The following MBTD1 variants were observed in gnomAD, a reference collection of about 807,000 sequenced individuals.
MBTD1 encodes mbt domain containing 1, also known as MBT domain-containing protein 1.
Under a neutral mutation model 87.8 loss-of-function variants are expected in MBTD1, and 24 were observed. The ratio of observed to expected loss-of-function variants is 0.27; its 90% CI spans 0.20 to 0.38. The LOEUF is 0.38. MBTD1 is among the 10% of genes least tolerant of loss of function. MBTD1 has a pLI of 1.00. For synonymous variants in MBTD1, 237 were observed against 248.6 expected (o/e 0.95, Z 0.44); for missense variants, 436 against 760.2 (o/e 0.57, Z 5.02).
At chr17:51,211,120 G>T (rs1242035262) in intron 6 of MBTD1, among the ~76,000 whole-genome samples, 1 of 136,048 alleles carries the variant, frequency 7.4e-6, no homozygotes, top group Non-Finnish European at 1.5e-5. Context: ...CTGGGTGACA[G>T]AGCAAGACTA....
chr17:51,254,095 G>A (rs2144251836), intron 2 of MBTD1, among the ~76,000 whole-genome samples: 1 of 152,198 alleles, frequency 6.6e-6, no homozygotes, highest in East Asian at 1.9e-4. Flanking sequence ...TTTATATTTA[G>A]CTATGGAGCA....
At chr17:51,244,260 C>G (rs752886904) in intron 2 of MBTD1, among the ~76,000 whole-genome samples, 1 of 152,184 alleles carries the variant, frequency 6.6e-6, no homozygotes, top group Non-Finnish European at 1.5e-5. Flanking sequence ...GAAATCCTGT[C>G]ATAACCCCCT....
chr17:51,259,497 T>C (rs1307715531), intron 1 of MBTD1, among the ~76,000 whole-genome samples: 10 of 151,956 alleles, frequency 6.6e-5, no homozygotes, highest in Non-Finnish European at 1.3e-4. Flanking sequence ...CCTGGGTGGC[T>C]AAAAAAGGAA....
In MBTD1 at chr17:51,180,641, G is replaced by C; in HGVS notation, c.1822C>G (p.Leu608Val). 1.0e-5 allele frequency: 16 copies of C among 1,551,636 alleles called. No homozygotes were observed. The highest frequency in any genetic ancestry group is 1.4e-5 in the Non-Finnish European group (16 of 1,146,750). ...ELLDGEDYNF[L>V]QGASDQESNG... ...CTTTCCTGATCAGACGCTCCTTGAAGGAAATTATAATCCTCTCCATCCAGC... is the reference window on the plus strand; with the variant it reads ...CTTTCCTGATCAGACGCTCCTTGAACGAAATTATAATCCTCTCCATCCAGC... The change falls in exon 17 of 17, where the codon CTT (leucine) becomes GTT (valine). Residue 608 changes from leucine (L) to valine (V), a missense_variant. Leu to Val is a conservative substitution (Grantham distance 32). Transcript: ENST00000586178.
intron 16 of MBTD1, chr17:51,185,023 G>A (rs953455248): frequency 1.3e-5 from 2 of 152,170 alleles, no homozygotes; most frequent in African/African-American, 2.4e-5. Flanking sequence ...AATACATTAT[G>A]AGGGAGGCAA....
chr17:51,237,077 A>C (rs1356007909), intron 2 of MBTD1, among the ~76,000 whole-genome samples: 1 of 152,134 alleles, frequency 6.6e-6, no homozygotes, highest in Non-Finnish European at 1.5e-5. Context: ...CGGGCGGATC[A>C]CCTGAGGTCA....
chr17:51,228,694 A>T (rs951344913), intron 2 of MBTD1, among the ~76,000 whole-genome samples: 1 of 150,608 alleles, frequency 6.6e-6, no homozygotes, highest in Non-Finnish European at 1.5e-5. Context: ...GGAGTTTGAG[A>T]CCAGCCTGGC....
At chr17:51,190,907 T>C (rs1422856099) in intron 16 of MBTD1, among the ~76,000 whole-genome samples, 7 of 151,234 alleles carry the variant, frequency 4.6e-5, no homozygotes, top group Non-Finnish European at 1.0e-4. Flanking sequence ...GTGGCAAGAC[T>C]CTGTCTCTAC....
At chr17:51,202,999 T>G (rs1275848003) in intron 9 of MBTD1, 64 bp from the exon 10 acceptor site, 7 of 1,385,544 alleles carry the variant, frequency 5.1e-6, no homozygotes, top group Non-Finnish European at 7.2e-6. Flanking sequence ...AATTTTTGTA[T>G]TATACTGTAA....
At chr17:51,186,662 T>C (rs545724137) in intron 16 of MBTD1, among the ~76,000 whole-genome samples, 7 of 151,794 alleles carry the variant, frequency 4.6e-5, no homozygotes, top group Admixed American at 4.6e-4. Flanking sequence ...TGGTCCCAGC[T>C]ACTCGGGAGG....
At chr17:51,223,125 A>G (rs2053009749) in intron 3 of MBTD1, among the ~76,000 whole-genome samples, 1 of 152,046 alleles carries the variant, frequency 6.6e-6, no homozygotes, top group Non-Finnish European at 1.5e-5. Flanking sequence ...CTTTTTAACC[A>G]AAAGACTAGA....
intron 2 of MBTD1, among the ~76,000 whole-genome samples, chr17:51,247,314 C>G (rs1357693531): frequency 6.6e-6 from 1 of 152,026 alleles, no homozygotes; most frequent in Non-Finnish European, 1.5e-5. Context: ...ACTCACTCAT[C>G]AAAATGTATT....
intron 12 of MBTD1, among the ~76,000 whole-genome samples, chr17:51,200,843 G>A (rs1465367873): frequency 9.3e-5 from 14 of 151,010 alleles, no homozygotes; most frequent in Non-Finnish European, 1.5e-4. Context: ...CAGCCTGGAT[G>A]ACAGAGTGAG....
chr17:51,245,865 T>C (rs1266214375), intron 2 of MBTD1, among the ~76,000 whole-genome samples: 1 of 152,198 alleles, frequency 6.6e-6, no homozygotes, highest in Non-Finnish European at 1.5e-5. Flanking sequence ...AAGTATTAGA[T>C]AGTTCAACTC....
intron 2 of MBTD1, among the ~76,000 whole-genome samples, chr17:51,231,372 T>A (rs1262623524): frequency 6.6e-6 from 1 of 152,222 alleles, no homozygotes; most frequent in Non-Finnish European, 1.5e-5. Context: ...TTTCAGGGAA[T>A]ATAGCCTTAA....
chr17:51,253,283 A>G (rs981204543), intron 2 of MBTD1, among the ~76,000 whole-genome samples: 3 of 152,206 alleles, frequency 2.0e-5, no homozygotes, highest in Non-Finnish European at 4.4e-5. Context: ...TAAAATGGCT[A>G]TGCCTTTTGA....
intron 2 of MBTD1, chr17:51,251,081 T>G (rs940173113): frequency 2.6e-5 from 4 of 152,232 alleles, no homozygotes; most frequent in African/African-American, 9.6e-5. Flanking sequence ...AAACATTGGT[T>G]TGAGGATGTT....
intron 6 of MBTD1, among the ~76,000 whole-genome samples, chr17:51,212,799 T>C (rs941148675): frequency 3.0e-4 from 46 of 152,160 alleles, no homozygotes; most frequent in Non-Finnish European, 5.4e-4. Context: ...TCTTATTGCT[T>C]AGGCTAGAGT....
At chr17:51,215,384 G>A (rs1480935952) in intron 6 of MBTD1, among the ~76,000 whole-genome samples, 4 of 152,116 alleles carry the variant, frequency 2.6e-5, no homozygotes. Flanking sequence ...AAAATGTTAT[G>A]CTTCTGGGGT....
Sources: allele counts gnomAD v4.1 joint callset (sites outside exome capture counted in the v4.1 genomes callset), GRCh38; gene constraint gnomAD v4.1.1; transcripts MANE v1.5; gene names NCBI Gene and HGNC (gene_info 2026-07-23, HGNC 2026-07-21).